Variants in RHBDL3 observed in about 807,000 individuals in gnomAD.
The protein encoded by RHBDL3 is rhomboid like 3, also known as rhomboid-related protein 3.
A neutral mutation model predicts 48.2 loss-of-function variants in RHBDL3; 28 were observed. The observed-to-expected ratio is 0.58, with a 90% CI of 0.43 to 0.80. The LOEUF is 0.80. Ranked by LOEUF, RHBDL3 falls within the 30% of genes least tolerant of loss-of-function variation. The pLI, the probability that RHBDL3 is intolerant of heterozygous loss-of-function variation, is 0.00. For missense variants in RHBDL3, 464 were observed against 542.7 expected (o/e 0.85, Z 1.44); for synonymous variants, 208 against 232.3 (o/e 0.90, Z 0.95).
chr17:32,294,563 A>T, intron 5 of RHBDL3, 121 bp downstream of exon 5: 1 of 994,930 alleles, frequency 1.0e-6, no homozygotes, highest in East Asian at 2.8e-5. Flanking sequence ...AGGATTTGGG[A>T]TGGCTGCTTG....
At chr17:32,284,921 G>A in intron 3 of RHBDL3, 104 bp downstream of exon 3, 1 of 1,066,758 alleles carries the variant, frequency 9.4e-7, no homozygotes, top group Admixed American at 2.1e-5. Flanking sequence ...TTGGCCTGCA[G>A]CATTGAAAAA....
intron 6 of RHBDL3, among the ~76,000 whole-genome samples, chr17:32,303,069 C>T (rs1380682053): frequency 2.0e-5 from 3 of 152,206 alleles, no homozygotes; most frequent in Non-Finnish European, 4.4e-5. Context: ...CCCTTCCATA[C>T]TCCTGCCACA....
chr17:32,309,047 CAG>C (rs10586485), intron 7 of RHBDL3, among the ~76,000 whole-genome samples: 81,337 of 151,330 alleles, frequency 0.54, 22,655 homozygotes, highest in Non-Finnish European at 0.6. Context: ...GCCTGGGTGA[CAG>C]AGAGAGAGAG....
At chr17:32,311,532 C>T (rs1361369287) in intron 7 of RHBDL3, among the ~76,000 whole-genome samples, 2 of 152,212 alleles carry the variant, frequency 1.3e-5, no homozygotes, top group Non-Finnish European at 2.9e-5. Context: ...GCCCAGTCAG[C>T]TCACCATTCA....
At chr17:32,287,365 C>T (rs117565965) in intron 3 of RHBDL3, among the ~76,000 whole-genome samples, 1,924 of 152,246 alleles carry the variant, frequency 0.013, 21 homozygotes, top group Non-Finnish European at 0.02. Context: ...GTGCACCAGG[C>T]GCCTAACCCT....
At chr17:32,310,525 C>CAAT (rs1365849243) in intron 7 of RHBDL3, among the ~76,000 whole-genome samples, 1 of 151,920 alleles carries the variant, frequency 6.6e-6, no homozygotes, top group East Asian at 1.9e-4. Flanking sequence ...CCAGCCTGGC[C>CAAT]AATATGGTGA....
chr17:32,277,597 C>T (rs1385567345), intron 2 of RHBDL3, among the ~76,000 whole-genome samples: 61 of 152,222 alleles, frequency 4.0e-4, no homozygotes, highest in Admixed American at 4.0e-3. Flanking sequence ...TCAGGCTGGG[C>T]CTGGAGCCCA....
chr17:32,279,934 G>A (rs2040003135), intron 2 of RHBDL3, among the ~76,000 whole-genome samples: 1 of 152,188 alleles, frequency 6.6e-6, no homozygotes, highest in Admixed American at 6.5e-5. Context: ...TACCTAGATG[G>A]GCTGAGCGCC....
chr17:32,283,532 C>G (rs985897725), intron 2 of RHBDL3, among the ~76,000 whole-genome samples: 1 of 151,254 alleles, frequency 6.6e-6, no homozygotes, highest in South Asian at 2.1e-4. Flanking sequence ...ACCGTGTTAG[C>G]CAGGATGGTC....
At chr17:32,283,538 T>G (rs530259025) in intron 2 of RHBDL3, among the ~76,000 whole-genome samples, 1 of 151,408 alleles carries the variant, frequency 6.6e-6, no homozygotes, top group Non-Finnish European at 1.5e-5. Context: ...TTAGCCAGGA[T>G]GGTCTCCATC....
At chr17:32,272,326 C>T (rs2150690141) in intron 2 of RHBDL3, among the ~76,000 whole-genome samples, 1 of 152,336 alleles carries the variant, frequency 6.6e-6, no homozygotes, top group Middle Eastern at 3.4e-3. Flanking sequence ...GCCTGGGGCT[C>T]TTCCCTTGGC....
intron 5 of RHBDL3, among the ~76,000 whole-genome samples, chr17:32,295,795 T>TGGAAG (rs1238624802): frequency 2.0e-5 from 3 of 152,238 alleles, no homozygotes; most frequent in Non-Finnish European, 4.4e-5. Flanking sequence ...TGTATAAAGT[T>TGGAAG]GGAAGCACCT....
chr17:32,301,432 T>A (rs986232547), intron 6 of RHBDL3, among the ~76,000 whole-genome samples: 1 of 149,066 alleles, frequency 6.7e-6, no homozygotes, highest in African/African-American at 2.5e-5. Flanking sequence ...ATATCACCAA[T>A]CTTATATTAT....
At position 32,283,160 on chromosome 17, in the gene RHBDL3, A is replaced by G. The variant is rs186927876; in HGVS notation, c.136-1499A>G. Among the ~76,000 whole-genome samples, 162 of 152,096 alleles carry G rather than the reference A, an allele frequency of 1.1e-3. 1 individual carries two copies. The highest frequency in any genetic ancestry group is 3.7e-3 in the African/African-American group (152 of 41,486). On this transcript the variant is annotated intron_variant, in intron 2 of 8. Coordinates refer to ENST00000269051, the MANE Select transcript of RHBDL3 (RefSeq NM_138328.3). ...CATCTCCAGGATGCAGTGGAGTCTTATGTAGGGAAGCACCTTCTGAACAAG... is the reference window on the plus strand; with the variant it reads ...CATCTCCAGGATGCAGTGGAGTCTTGTGTAGGGAAGCACCTTCTGAACAAG...
In RHBDL3 at chr17:32,310,883, C is replaced by CAAA. The variant is rs11348841; in HGVS notation, c.883-5331_883-5329dup. On this transcript the variant is annotated intron_variant, in intron 7 of 8. Transcript: ENST00000269051. ...TGGGCGACAGAGTCAGGCTCCATCT[C>CAAA]AAAAAAAAAAAAAAAAAAAAGGTTT... Among the ~76,000 whole-genome samples the CAAA allele has an allele frequency of 7.2e-5, 4 of 55,546 alleles. 1 individual carries two copies. The highest frequency in any genetic ancestry group is 6.9e-4 in the East Asian group (1 of 1,442). The allele number at this position is 55,546 out of a possible 152,430, so 36.4% of individuals were successfully genotyped here. A position where few individuals can be genotyped will look rare whatever the true frequency, so the allele number is the denominator to read the frequency against.
chr17:32,320,645 G>A (rs888251167), intron 8 of RHBDL3, among the ~76,000 whole-genome samples: 17 of 152,222 alleles, frequency 1.1e-4, no homozygotes, highest in Admixed American at 6.5e-5. Context: ...CTTTAGAGAG[G>A]TCTTGCGTGA....
chr17:32,271,996 C>T (rs2039783294), intron 2 of RHBDL3, among the ~76,000 whole-genome samples: 2 of 152,216 alleles, frequency 1.3e-5, no homozygotes, highest in Non-Finnish European at 2.9e-5. Flanking sequence ...TCAAGTCTTA[C>T]TCACTTTGTG....
At chr17:32,290,256 G>C (rs1182478885) in intron 4 of RHBDL3, among the ~76,000 whole-genome samples, 2 of 152,202 alleles carry the variant, frequency 1.3e-5, no homozygotes, top group East Asian at 3.8e-4. Flanking sequence ...GTGCCGGGCA[G>C]GGGGCTGGCT....
At chr17:32,307,907 C>T (rs1332568241) in intron 7 of RHBDL3, among the ~76,000 whole-genome samples, 1 of 152,054 alleles carries the variant, frequency 6.6e-6, no homozygotes, top group African/African-American at 2.4e-5. Flanking sequence ...CCATTCCGCC[C>T]AAGACTTGTA....
Sources: allele counts gnomAD v4.1 joint callset (sites outside exome capture counted in the v4.1 genomes callset), GRCh38; gene constraint gnomAD v4.1.1; transcripts MANE v1.5; gene names NCBI Gene and HGNC (gene_info 2026-07-23, HGNC 2026-07-21).